Variants in MACROD2 observed in about 807,000 individuals in gnomAD.
MACROD2 encodes the protein ADP-ribose glycohydrolase MACROD2.
Under a neutral mutation model 70.4 loss-of-function variants are expected in MACROD2, and 36 were observed. That is an observed-to-expected ratio of 0.51 (90% CI 0.39 to 0.68). MACROD2 has a LOEUF of 0.68. Ranked by LOEUF, MACROD2 falls within the 30% of genes least tolerant of loss-of-function variation. MACROD2 has a pLI of 0.00. For missense variants in MACROD2, 496 were observed against 538.4 expected (o/e 0.92, Z 0.78); for synonymous variants, 172 against 178.8 (o/e 0.96, Z 0.30).
intron 5 of MACROD2, among the ~76,000 whole-genome samples, chr20:14,810,901 A>G (rs1315177377): frequency 5.3e-5 from 8 of 152,118 alleles, no homozygotes; most frequent in African/African-American, 1.9e-4. Context: ...GGACCTCTTC[A>G]AGGAGAACTA....
chr20:15,580,958 T>C (rs1198983337), intron 8 of MACROD2, among the ~76,000 whole-genome samples: 1 of 152,228 alleles, frequency 6.6e-6, no homozygotes, highest in Non-Finnish European at 1.5e-5. Context: ...AGACAAAGTC[T>C]GTGCAGGTGT....
intron 5 of MACROD2, among the ~76,000 whole-genome samples, chr20:14,951,755 C>A (rs6043016): frequency 0.03 from 4,633 of 152,074 alleles, 114 homozygotes; most frequent in African/African-American, 0.057. Context: ...TAAAAGATAA[C>A]CCCTTTGGCT....
At chr20:15,142,224 A>G (rs1006613309) in intron 5 of MACROD2, among the ~76,000 whole-genome samples, 2 of 152,202 alleles carry the variant, frequency 1.3e-5, no homozygotes, top group East Asian at 1.9e-4. Flanking sequence ...AAATACATGC[A>G]AAGTGAAGAC....
intron 12 of MACROD2, among the ~76,000 whole-genome samples, chr20:15,956,294 AGTTT>A (rs2065975745): frequency 6.6e-6 from 1 of 152,232 alleles, no homozygotes; most frequent in South Asian, 2.1e-4. Flanking sequence ...TCCACAGATT[AGTTT>A]GTTGTTCTTC....
At chr20:15,097,333 T>C (rs889762923) in intron 5 of MACROD2, among the ~76,000 whole-genome samples, 11 of 152,190 alleles carry the variant, frequency 7.2e-5, no homozygotes, top group Non-Finnish European at 1.0e-4. Context: ...TGAGTATCTT[T>C]GCACAAAATG....
chr20:15,436,950 T>G (rs1441165813), intron 7 of MACROD2, among the ~76,000 whole-genome samples: 1 of 152,192 alleles, frequency 6.6e-6, no homozygotes, highest in Non-Finnish European at 1.5e-5. Flanking sequence ...TGGTGCGTGC[T>G]TCCCATCTGC....
At chr20:14,774,774 A>T (rs571743717) in intron 5 of MACROD2, among the ~76,000 whole-genome samples, 3 of 152,278 alleles carry the variant, frequency 2.0e-5, no homozygotes, top group Non-Finnish European at 4.4e-5. Context: ...TGTCATTAGA[A>T]TAAGTGGCCT....
intron 4 of MACROD2, chr20:14,494,053 A>G (rs2123107190): frequency 6.6e-6 from 1 of 152,154 alleles, no homozygotes; most frequent in African/African-American, 2.4e-5. Context: ...AAGTGAGCTG[A>G]GGGAGACAGA....
At chr20:14,485,515 C>G (rs371187202) in intron 3 of MACROD2, among the ~76,000 whole-genome samples, 11 of 151,966 alleles carry the variant, frequency 7.2e-5, no homozygotes, top group Non-Finnish European at 1.6e-4. Context: ...TCCTGGCTAA[C>G]ACGGTGAAAC....
intron 3 of MACROD2, among the ~76,000 whole-genome samples, chr20:14,281,737 C>G (rs2082307679): frequency 1.3e-5 from 2 of 151,754 alleles, no homozygotes; most frequent in South Asian, 4.1e-4. Context: ...GAGTTAGAGA[C>G]CAGCCTGACC....
chr20:15,565,053 A>G (rs1386977080), intron 8 of MACROD2, among the ~76,000 whole-genome samples: 1 of 152,166 alleles, frequency 6.6e-6, no homozygotes, highest in Non-Finnish European at 1.5e-5. Context: ...CTGGGATATC[A>G]TGAAGCTGCT....
intron 5 of MACROD2, among the ~76,000 whole-genome samples, chr20:14,854,763 T>A (rs907840150): frequency 1.3e-5 from 2 of 152,152 alleles, no homozygotes; most frequent in African/African-American, 4.8e-5. Context: ...ACGCCTATAA[T>A]CCTAGCACTT....
At chr20:15,191,353 G>A (rs1323630423) in intron 5 of MACROD2, among the ~76,000 whole-genome samples, 2 of 152,208 alleles carry the variant, frequency 1.3e-5, no homozygotes, top group Non-Finnish European at 2.9e-5. Context: ...AGAAAGCCCT[G>A]AGATAGAAGA....
chr20:14,016,679 C>T (rs1002597432), intron 2 of MACROD2, among the ~76,000 whole-genome samples: 11 of 152,072 alleles, frequency 7.2e-5, no homozygotes, highest in Admixed American at 4.6e-4. Context: ...TCTTGGCACT[C>T]GTGTTGAAAA....
At chr20:14,211,191 A>G (rs1239512072) in intron 3 of MACROD2, among the ~76,000 whole-genome samples, 2 of 152,178 alleles carry the variant, frequency 1.3e-5, no homozygotes, top group Admixed American at 1.3e-4. Context: ...GTGGTTAGCA[A>G]TTGAGGTTCT....
chr20:15,250,649 C>T (rs1014798623), intron 6 of MACROD2, among the ~76,000 whole-genome samples: 5 of 152,208 alleles, frequency 3.3e-5, no homozygotes, highest in African/African-American at 1.2e-4. Flanking sequence ...AGGACCTTTG[C>T]ATATGCCATC....
intron 8 of MACROD2, among the ~76,000 whole-genome samples, chr20:15,688,989 T>G (rs2050263567): frequency 6.6e-6 from 1 of 152,224 alleles, no homozygotes. Context: ...TTTCGCTGGA[T>G]ACTAGGAGGA....
chr20:15,291,963 G>A (rs911047417), intron 6 of MACROD2, among the ~76,000 whole-genome samples: 18 of 152,304 alleles, frequency 1.2e-4, no homozygotes, highest in African/African-American at 3.8e-4. Context: ...ACATCCCTGT[G>A]ATTGTTGCAT....
intron 4 of MACROD2, among the ~76,000 whole-genome samples, chr20:14,573,546 A>C (rs966989144): frequency 2.6e-5 from 4 of 151,564 alleles, no homozygotes; most frequent in African/African-American, 9.7e-5. Context: ...TTATGGATAA[A>C]GGGTAGGATT....
Sources: allele counts gnomAD v4.1 joint callset (sites outside exome capture counted in the v4.1 genomes callset), GRCh38; gene constraint gnomAD v4.1.1; transcripts MANE v1.5; gene names NCBI Gene and HGNC (gene_info 2026-07-23, HGNC 2026-07-21).